DLGAP1: variants seen among roughly 807,000 people sequenced by gnomAD.
The protein encoded by DLGAP1 is disks large-associated protein 1.
DLGAP1 carries 11 observed loss-of-function variants against 90.8 expected under a neutral mutation model. The observed-to-expected ratio is 0.12, with a 90% CI of 0.08 to 0.20. The LOEUF is 0.20. DLGAP1 is among the 10% of genes least tolerant of loss of function. The pLI is 1.00. For missense variants in DLGAP1, 1,050 were observed against 1,333.8 expected (o/e 0.79, Z 3.31); for synonymous variants, 558 against 540.7 (o/e 1.03, Z -0.44).
At chr18:3,704,306 C>A (rs1201350015) in intron 7 of DLGAP1, among the ~76,000 whole-genome samples, 1 of 152,164 alleles carries the variant, frequency 6.6e-6, no homozygotes, top group Non-Finnish European at 1.5e-5. Flanking sequence ...TGTGGTGGCT[C>A]ATGCCTGTAA....
intron 1 of DLGAP1, among the ~76,000 whole-genome samples, chr18:4,188,858 C>T (rs1337956322): frequency 1.3e-5 from 2 of 152,118 alleles, no homozygotes; most frequent in African/African-American, 2.4e-5. Context: ...TGCAAAGCGT[C>T]ACATAAAGTC....
At chr18:3,572,835 A>C (rs934822856) in intron 8 of DLGAP1, among the ~76,000 whole-genome samples, 1 of 152,188 alleles carries the variant, frequency 6.6e-6, no homozygotes, top group Admixed American at 6.5e-5. Context: ...AGTTTTTACT[A>C]TCTATCTGAT....
At chr18:4,104,379 T>A (rs1283357268) in intron 2 of DLGAP1, among the ~76,000 whole-genome samples, 1 of 152,180 alleles carries the variant, frequency 6.6e-6, no homozygotes, top group Admixed American at 6.5e-5. Flanking sequence ...CCTGAGTATA[T>A]CAGGGATTAT....
chr18:4,413,908 T>G (rs2082835998), intron 1 of DLGAP1, among the ~76,000 whole-genome samples: 1 of 152,226 alleles, frequency 6.6e-6, no homozygotes, highest in South Asian at 2.1e-4. Flanking sequence ...TTTTGGAAAC[T>G]GATATTTCAC....
At chr18:3,793,058 G>A (rs1351391944) in intron 5 of DLGAP1, among the ~76,000 whole-genome samples, 5 of 152,132 alleles carry the variant, frequency 3.3e-5, no homozygotes, top group East Asian at 3.9e-4. Flanking sequence ...CAAGTGCGGC[G>A]CTGTTAATAT....
At position 3,814,049 on chromosome 18, in the gene DLGAP1, G is replaced by T; in HGVS notation, c.1172+10C>A. 6.2e-7 allele frequency: 1 copy of T among 1,612,712 alleles called. No individual in the cohort carries two copies. Among genetic ancestry groups the T allele is most frequent in the Non-Finnish European group, 8.5e-7 (1 of 1,178,958 alleles). ...TGGACTATCGCAAGTGCAGGGTTAG[G>T]ACTACTCACTTGAGTGTGGTGAGTT... On this transcript the variant is annotated intron_variant, in intron 5 of 12. Transcript: ENST00000315677.
chr18:4,252,384 TAAC>T (rs895866577), intron 1 of DLGAP1, among the ~76,000 whole-genome samples: 2 of 152,184 alleles, frequency 1.3e-5, no homozygotes, highest in Non-Finnish European at 2.9e-5. Context: ...TTTCAGAAAT[TAAC>T]AACAACCTCT....
In DLGAP1 at chr18:3,519,471, C is replaced by T. The variant is rs138078250; in HGVS notation, c.2480-10810G>A. ...ATCTTATCCATTCTCAACTCAACCC[C>T]TATTCCCTCATCTTCAACAACCTTG... On this transcript the variant is annotated intron_variant, in intron 10 of 12. Transcript: ENST00000315677. Among the ~76,000 whole-genome samples, 395 of 152,308 alleles carry T rather than the reference C, an allele frequency of 2.6e-3. 1 individual carries two copies. Among genetic ancestry groups the T allele is most frequent in the Middle Eastern group, 0.01 (3 of 294 alleles).
At chr18:3,677,740 CCT>C (rs2060359329) in intron 7 of DLGAP1, among the ~76,000 whole-genome samples, 1 of 152,092 alleles carries the variant, frequency 6.6e-6, no homozygotes, top group East Asian at 1.9e-4. Context: ...CTCACTGCAA[CCT>C]CTGTCTCCCG....
At chr18:3,734,082 C>T (rs963221038) in intron 6 of DLGAP1, among the ~76,000 whole-genome samples, 1 of 152,112 alleles carries the variant, frequency 6.6e-6, no homozygotes, top group Admixed American at 6.5e-5. Context: ...TTCAAATCAA[C>T]TTTTTATTTC....
At chr18:4,417,700 T>C (rs2082932342) in intron 1 of DLGAP1, among the ~76,000 whole-genome samples, 1 of 152,220 alleles carries the variant, frequency 6.6e-6, no homozygotes, top group East Asian at 1.9e-4. Context: ...CAATTTCAGC[T>C]GAGGGAAGAA....
rs35857812 is a variant in DLGAP1 at position 3,876,025 on chromosome 18, G to GAA, written c.957+3085_957+3086dup. On this transcript the variant is annotated intron_variant, in intron 4 of 12. Transcript: ENST00000315677. ...AGTTGGCAATTAAGGCAATAGAGCTGAAAAAAAAAAAAAAAGAACTCCAAA... is the reference window on the plus strand; with the variant it reads ...AGTTGGCAATTAAGGCAATAGAGCTGAAAAAAAAAAAAAAAAAGAACTCCAAA... Among the ~76,000 whole-genome samples, 512 of 134,882 alleles carry GAA rather than the reference G, an allele frequency of 3.8e-3. 1 individual carries two copies. Among genetic ancestry groups the GAA allele is most frequent in the African/African-American group, 5.7e-3 (216 of 37,578 alleles). 88.5% of individuals were successfully genotyped at this position (134,882 alleles called of 152,430 possible). A position where few individuals can be genotyped will look rare whatever the true frequency, so the allele number is the denominator to read the frequency against.
intron 3 of DLGAP1, among the ~76,000 whole-genome samples, chr18:3,943,606 C>A (rs926639500): frequency 6.6e-6 from 1 of 151,908 alleles, no homozygotes; most frequent in African/African-American, 2.4e-5. Context: ...ATCAAGCATA[C>A]CTGAGAAAAA....
chr18:3,941,795 C>T (rs557928853), intron 3 of DLGAP1, among the ~76,000 whole-genome samples: 3 of 152,298 alleles, frequency 2.0e-5, no homozygotes, highest in East Asian at 3.9e-4. Flanking sequence ...TCACTGCAGC[C>T]TCCACCTCCC....
rs191678794 is a variant in DLGAP1, at chr18:4,094,098, C to T, written c.-159+57082G>A. Among the ~76,000 whole-genome samples the T allele has an allele frequency of 3.0e-3, 459 of 152,144 alleles. 7 individuals are homozygous for T. The highest frequency in any genetic ancestry group is 2.1e-3 in the Non-Finnish European group (142 of 68,012). ...GATTTTTACATCCTTTATGAATCAA[C>T]CCAGCCTCCAATTATGTCATCTACT... On this transcript the variant is annotated intron_variant, in intron 2 of 12. Coordinates refer to ENST00000315677, the MANE Select transcript of DLGAP1 (RefSeq NM_004746.4).
chr18:3,737,272 G>T (rs556052579), intron 6 of DLGAP1, among the ~76,000 whole-genome samples: 54 of 152,348 alleles, frequency 3.5e-4, no homozygotes, highest in African/African-American at 1.3e-3. Flanking sequence ...CTCATTTGAT[G>T]AGGCCAGCAT....
chr18:3,609,415 G>C (rs774790249), intron 7 of DLGAP1, among the ~76,000 whole-genome samples: 8 of 152,144 alleles, frequency 5.3e-5, no homozygotes, highest in Non-Finnish European at 8.8e-5. Context: ...TTATTTTTCT[G>C]TTACTAATCT....
At chr18:4,124,430 T>C (rs1486914103) in intron 2 of DLGAP1, among the ~76,000 whole-genome samples, 1 of 152,096 alleles carries the variant, frequency 6.6e-6, no homozygotes, top group African/African-American at 2.4e-5. Flanking sequence ...AATTTTGGAG[T>C]AGATGAAGAA....
intron 8 of DLGAP1, chr18:3,580,378 C>T (rs1371146958): frequency 1.2e-6 from 2 of 1,613,808 alleles, no homozygotes; most frequent in East Asian, 2.2e-5. Flanking sequence ...AATTTCAGAG[C>T]CACATACCTA....
Sources: gnomAD v4.1 joint callset for allele counts (sites outside exome capture counted in the v4.1 genomes callset) on GRCh38, gnomAD v4.1.1 for gene constraint, MANE v1.5 for transcripts, NCBI Gene and HGNC (gene_info 2026-07-23, HGNC 2026-07-21) for gene names.